Variants in GRB7 observed in about 807,000 individuals in gnomAD.
GRB7 encodes the protein growth factor receptor bound protein 7.
In GRB7, 47 loss-of-function variants were observed where a neutral mutation model predicts 64.1. The observed-to-expected ratio is 0.73, with a 90% CI of 0.58 to 0.94. The LOEUF (loss-of-function observed/expected upper bound fraction) is 0.94, where lower values mean the gene tolerates loss of function less well. Among genes scored for constraint, GRB7 ranks in the 40% least tolerant of loss-of-function variants. The pLI is 0.00. For missense variants in GRB7, 634 were observed against 718.4 expected (o/e 0.88, Z 1.34); for synonymous variants, 277 against 279.9 (o/e 0.99, Z 0.10).
In GRB7 at chr17:39,746,914, C is replaced by T. The variant is rs1449113489; in HGVS notation, c.*17C>T. The T allele has an allele frequency of 1.3e-6, 2 of 1,593,342 alleles. No individual in the cohort carries two copies. The highest frequency in any genetic ancestry group is 1.7e-6 in the Non-Finnish European group (2 of 1,172,242). On this transcript the variant is annotated 3_prime_UTR_variant, in exon 15 of 15. Coordinates refer to ENST00000309156, the MANE Select transcript of GRB7 (RefSeq NM_005310.5). Reference sequence around the variant, plus strand: ...GCCCTCTGACCAGGCCGTGGACTGGCTCATGCCTCAGCCCGCCTTCAGGCT... The same window carrying T: ...GCCCTCTGACCAGGCCGTGGACTGGTTCATGCCTCAGCCCGCCTTCAGGCT...
At position 39,746,134 on chromosome 17, in the gene GRB7, C is replaced by T. The variant is rs191162024; in HGVS notation, c.1384C>T (p.Arg462Trp). 2.1e-5 allele frequency: 34 copies of T among 1,614,016 alleles called. No homozygotes were observed. The highest frequency in any genetic ancestry group is 1.3e-4 in the East Asian group (6 of 44,882). The change falls in exon 14 of 15, where the codon CGG (arginine) becomes TGG (tryptophan). Residue 462 changes from arginine to tryptophan, a missense_variant. This residue lies in a region of GRB7 where 467 missense variants were observed against 576.6 expected (regional missense o/e 0.81). Transcript: ENST00000309156. ...CCTGTTCCTGGTCCGGGAGAGTCAG[C>T]GGAACCCCCAGGGCTTTGTCCTCTC... ...DGLFLVRESQRNPQGFVLSLC... is the reference protein window; with the variant it reads ...DGLFLVRESQWNPQGFVLSLC...
intron 1 of GRB7, among the ~76,000 whole-genome samples, chr17:39,740,345 G>T (rs2059984433): frequency 6.6e-6 from 1 of 152,180 alleles, no homozygotes; most frequent in Admixed American, 6.5e-5. Flanking sequence ...TTCCACTCCT[G>T]CTCCTGTGGT....
At position 39,744,903 on chromosome 17, in the gene GRB7, T is replaced by C. The variant is rs1201538264; in HGVS notation, c.930T>C (p.Asn310=). The C allele has an allele frequency of 6.2e-7, 1 of 1,614,068 alleles. No individual in the cohort carries two copies. The highest frequency in any genetic ancestry group is 2.2e-5 in the East Asian group (1 of 44,888). The part of the protein sequence containing the change: ...GFCVKPNKLR[N]GHKGLRIFCS... ...CTCTGCAGCCCAACAAGCTTCGAAA[T>C]GGCCACAAGGGGCTTCGGATCTTCT... The change falls in exon 9 of 15, where the codon AAT becomes AAC. Residue 310 remains asparagine (N), a synonymous_variant. Transcript: ENST00000309156.
At chr17:39,744,856 A>AT (rs1567928922) in intron 8 of GRB7, 30 bp from the exon 9 acceptor site, 4 of 1,569,418 alleles carry the variant, frequency 2.5e-6, no homozygotes, top group Non-Finnish European at 3.5e-6. Context: ...AAAGGCAGAT[A>AT]TGGGACCAGT....
At position 39,745,739 on chromosome 17, in the gene GRB7, C is replaced by T; in HGVS notation, c.1221C>T (p.Asn407=). 1 of 1,613,820 alleles carries T rather than the reference C, an allele frequency of 6.2e-7. No individual in the cohort carries two copies. Among genetic ancestry groups the T allele is most frequent in the Non-Finnish European group, 8.5e-7 (1 of 1,180,016 alleles). ...EEAQAWRKKT[N]HRLSLPMPAS... ...CCACTGCTCCACAGAAGAAGACAAA[C>T]CACCGCCTCAGCCTGCCCATGCCAG... The change falls in exon 12 of 15, where the codon AAC becomes AAT. Residue 407 remains asparagine (N), a synonymous_variant. Coordinates refer to ENST00000309156, the MANE Select transcript of GRB7 (RefSeq NM_005310.5).
intron 1 of GRB7, 60 bp downstream of exon 1, chr17:39,738,193 G>C (rs2059967357): frequency 6.6e-6 from 1 of 152,404 alleles, no homozygotes; most frequent in South Asian, 2.1e-4. Flanking sequence ...AGCCGCACCA[G>C]GGCCCCAGGC....
At chr17:39,744,766 C>A in intron 8 of GRB7, 103 bp downstream of exon 8, 3 of 1,289,062 alleles carry the variant, frequency 2.3e-6, no homozygotes, top group Non-Finnish European at 2.2e-6. Flanking sequence ...GACACCTAGA[C>A]TCCTCTCCCT....
intron 3 of GRB7, 43 bp downstream of exon 3, chr17:39,742,759 T>C (rs2060007492): frequency 6.5e-7 from 1 of 1,530,858 alleles, no homozygotes; most frequent in African/African-American, 1.4e-5. Flanking sequence ...GCACGGGTTC[T>C]GGGTCTGTGG....
intron 6 of GRB7, 105 bp downstream of exon 6, chr17:39,743,575 C>T (rs969614775): frequency 1.1e-6 from 1 of 888,778 alleles, no homozygotes; most frequent in Admixed American, 1.8e-5. Flanking sequence ...TAGAAAGAGC[C>T]AAATCACAGT....
chr17:39,747,021 T>C lies in GRB7; in HGVS notation c.*124T>C. 2 of 992,670 alleles carry C rather than the reference T, an allele frequency of 2.0e-6. No individual in the cohort carries two copies. Among genetic ancestry groups the C allele is most frequent in the East Asian group, 2.6e-5 (1 of 37,774 alleles). The allele number at this position is 992,670 out of a possible 1,614,324, so 61.5% of individuals were successfully genotyped here. On this transcript the variant is annotated 3_prime_UTR_variant, in exon 15 of 15. Transcript: ENST00000309156. ...ATGAGGAGCGGGAGGGTTCCGCCAC[T>C]CCAGTTTTCTCCTCTGCTTCTTTGC... is the stretch of plus-strand genomic sequence containing the variant.
rs371514592 is a variant in GRB7, at chr17:39,744,920, G to A, written c.947G>A (p.Arg316Gln). The A allele has an allele frequency of 2.2e-5, 36 of 1,613,948 alleles. No homozygotes were observed. The highest frequency in any genetic ancestry group is 1.9e-4 in the African/African-American group (14 of 74,924). ...CTTCGAAATGGCCACAAGGGGCTTC[G>A]GATCTTCTGCAGTGAAGATGAGCAG... ...NKLRNGHKGL[R>Q]IFCSEDEQSR... Residue 316 changes from arginine (R) to glutamine (Q), a missense_variant, in exon 9 of 15, where the codon CGG (arginine) becomes CAG (glutamine). Around this residue, in one of 2 missense-constraint regions of GRB7, gnomAD observed 467 missense variants for 576.6 expected, o/e 0.81. Coordinates refer to ENST00000309156, the MANE Select transcript of GRB7 (RefSeq NM_005310.5).
At chr17:39,744,742 T>A in intron 8 of GRB7, 79 bp downstream of exon 8, 1 of 1,367,792 alleles carries the variant, frequency 7.3e-7, no homozygotes, top group Non-Finnish European at 1.0e-6. Flanking sequence ...CCGGGGCTTC[T>A]GAGCCCCAAT....
chr17:39,741,974 C>CAAAA (rs34685689), intron 1 of GRB7, among the ~76,000 whole-genome samples: 1 of 107,980 alleles, frequency 9.3e-6, no homozygotes, highest in African/African-American at 3.8e-5. Context: ...GACGCCGCTG[C>CAAAA]AAAAAAAAAA....
At chr17:39,741,038 C>T (rs2143395520) in intron 1 of GRB7, among the ~76,000 whole-genome samples, 1 of 152,276 alleles carries the variant, frequency 6.6e-6, no homozygotes, top group South Asian at 2.1e-4. Flanking sequence ...GTGCCAGCCC[C>T]ACCTCCACCT....
At position 39,746,879 on chromosome 17, in the gene GRB7, C is replaced by T; in HGVS notation, c.1581C>T (p.Cys527=). 6.2e-7 allele frequency: 1 copy of T among 1,610,364 alleles called. No homozygotes were observed. Among genetic ancestry groups the T allele is most frequent in the Non-Finnish European group, 8.5e-7 (1 of 1,179,872 alleles). ...TGCCGTGCTTGCTGCGCCATTGCTG[C>T]ACGCGGGTGGCCCTCTGACCAGGCC... ...GILPCLLRHC[C]TRVAL The change falls in exon 15 of 15, where the codon TGC becomes TGT. Residue 527 remains cysteine, a synonymous_variant. Transcript: ENST00000309156.
intron 9 of GRB7, 83 bp from the exon 10 acceptor site, chr17:39,745,160 G>A (rs2060032998): frequency 5.5e-6 from 7 of 1,283,242 alleles, no homozygotes; most frequent in Non-Finnish European, 7.7e-6. Context: ...CCTGGTCTGG[G>A]CAAGTCCTGG....
intron 6 of GRB7, 27 bp from the exon 7 acceptor site, chr17:39,744,043 A>G: frequency 6.2e-7 from 1 of 1,612,916 alleles, no homozygotes; most frequent in Non-Finnish European, 8.5e-7. Flanking sequence ...CAGACCTGTC[A>G]CTCTCCTCTG....
At chr17:39,739,921 C>T (rs1461114283) in intron 1 of GRB7, 2 of 892,968 alleles carry the variant, frequency 2.2e-6, no homozygotes, top group Non-Finnish European at 2.7e-6. Flanking sequence ...ACGATTCCAC[C>T]CGCCTCCAGC....
Position 39,745,962 on chromosome 17 carries a change from G to C in GRB7, c.1320G>C (p.Glu440Asp). 1 of 1,614,094 alleles carries C rather than the reference G, an allele frequency of 6.2e-7. No individual in the cohort carries two copies. The highest frequency in any genetic ancestry group is 8.5e-7 in the Non-Finnish European group (1 of 1,179,956). ...TCCACGGGCGCATTTCCCGTGAGGAGAGCCAGCGGCTTATTGGACAGCAGG... is the reference window on the plus strand; with the variant it reads ...TCCACGGGCGCATTTCCCGTGAGGACAGCCAGCGGCTTATTGGACAGCAGG... ...LWFHGRISRE[E>D]SQRLIGQQGL... The change falls in exon 13 of 15, where the codon GAG becomes GAC. Residue 440 changes from glutamate to aspartate, a missense_variant. By Grantham distance (45) the Glu-to-Asp change is conservative (BLOSUM62 2). Around this residue, in one of 2 missense-constraint regions of GRB7, gnomAD observed 467 missense variants for 576.6 expected, o/e 0.81. Transcript: ENST00000309156.
Sources: gnomAD v4.1 joint callset for allele counts (sites outside exome capture counted in the v4.1 genomes callset) on GRCh38, gnomAD v4.1.1 for gene constraint, gnomAD v4.1.1 regional missense constraint, MANE v1.5 for transcripts, NCBI Gene and HGNC (gene_info 2026-07-23, HGNC 2026-07-21) for gene names.